The following TANC1 variants were observed in gnomAD, a reference collection of about 807,000 sequenced individuals.
TANC1 encodes the protein protein TANC1.
TANC1 carries 77 observed loss-of-function variants against 149.7 expected under a neutral mutation model. That is an observed-to-expected ratio of 0.51 (90% CI 0.43 to 0.62). The LOEUF is 0.62. TANC1 is among the 20% of genes least tolerant of loss of function. The probability of loss-of-function intolerance (pLI) is 0.00; values close to 1 mark genes in which losing one functional copy is unlikely to be tolerated. For synonymous variants in TANC1, 854 were observed against 925.0 expected, an observed-to-expected ratio of 0.92 and a Z score of 1.39; for missense variants, 1,985 against 2,321.8, an observed-to-expected ratio of 0.85 and a Z score of 2.98.
intron 2 of TANC1, among the ~76,000 whole-genome samples, chr2:159,052,549 G>C (rs1350310710): frequency 6.6e-6 from 1 of 152,198 alleles, no homozygotes; most frequent in Non-Finnish European, 1.5e-5. Flanking sequence ...GAGCCAAATA[G>C]AAGTTTATAA....
At chr2:159,038,040 G>A (rs1306319725) in intron 2 of TANC1, among the ~76,000 whole-genome samples, 1 of 152,088 alleles carries the variant, frequency 6.6e-6, no homozygotes, top group East Asian at 1.9e-4. Flanking sequence ...TTGAACAGTG[G>A]TTTGTAGTTC....
intron 7 of TANC1, among the ~76,000 whole-genome samples, chr2:159,154,473 G>A (rs1414025857): frequency 2.6e-5 from 4 of 152,166 alleles, no homozygotes; most frequent in African/African-American, 9.7e-5. Context: ...TGCTTAGGAG[G>A]AGAAAGGGCA....
chr2:159,159,435 G>A (rs1575019992), intron 7 of TANC1, among the ~76,000 whole-genome samples: 3 of 132,144 alleles, frequency 2.3e-5, no homozygotes, highest in East Asian at 2.1e-4. Flanking sequence ...GTGAGACCCT[G>A]TCTCAAAAAA....
chr2:159,134,256 A>G (rs1393611426), intron 4 of TANC1, among the ~76,000 whole-genome samples: 2 of 152,162 alleles, frequency 1.3e-5, no homozygotes, highest in Non-Finnish European at 2.9e-5. Context: ...CAACCAAGGA[A>G]CACTAGAATC....
chr2:159,175,264 AGCCG>A, intron 12 of TANC1, 80 bp downstream of exon 12: 1 of 1,193,200 alleles, frequency 8.4e-7, no homozygotes, highest in Non-Finnish European at 1.2e-6. Flanking sequence ...GCAGGTGGTC[AGCCG>A]GGCTGGGGTA....
intron 3 of TANC1, among the ~76,000 whole-genome samples, chr2:159,081,500 C>G (rs557837885): frequency 2.6e-5 from 4 of 152,056 alleles, no homozygotes; most frequent in African/African-American, 9.7e-5. Flanking sequence ...AAGATGGGGT[C>G]TACCCTCTGT....
intron 2 of TANC1, among the ~76,000 whole-genome samples, chr2:159,055,838 C>T (rs981548467): frequency 1.3e-5 from 2 of 152,144 alleles, no homozygotes; most frequent in African/African-American, 4.8e-5. Flanking sequence ...GTTCTTGGGG[C>T]TGAGAGTCAG....
chr2:159,215,398 C>A (rs1559473717), intron 19 of TANC1, among the ~76,000 whole-genome samples: 1 of 152,192 alleles, frequency 6.6e-6, no homozygotes, highest in Non-Finnish European at 1.5e-5. Flanking sequence ...GGTTTGCCGC[C>A]TTTTGTTTAT....
At chr2:159,176,556 T>A (rs752334678) in intron 13 of TANC1, 38 bp downstream of exon 13, 1 of 1,500,986 alleles carries the variant, frequency 6.7e-7, no homozygotes, top group Non-Finnish European at 9.1e-7. Flanking sequence ...CAAGTCCCCA[T>A]TCCAATTTTA....
chr2:159,183,965 G>T (rs117875035), intron 14 of TANC1, among the ~76,000 whole-genome samples: 3 of 152,230 alleles, frequency 2.0e-5, no homozygotes, highest in Non-Finnish European at 2.9e-5. Flanking sequence ...GAATCCCCCC[G>T]TCAGACGTGG....
At chr2:159,209,379 T>G (rs983947919) in intron 19 of TANC1, among the ~76,000 whole-genome samples, 1 of 152,244 alleles carries the variant, frequency 6.6e-6, no homozygotes, top group Admixed American at 6.5e-5. Flanking sequence ...TTCCCCTCGC[T>G]CAGAGACGGG....
chr2:159,226,060 C>T, intron 24 of TANC1: 1 of 391,856 alleles, frequency 2.6e-6, no homozygotes, highest in South Asian at 2.4e-5. Flanking sequence ...ATCCCAGCTA[C>T]TCGGGAGGCT....
chr2:159,155,498 G>A (rs567666906), intron 7 of TANC1, among the ~76,000 whole-genome samples: 1 of 152,330 alleles, frequency 6.6e-6, no homozygotes, highest in Non-Finnish European at 1.5e-5. Flanking sequence ...ATGAAGGGAG[G>A]GGACCCTGAG....
At chr2:159,164,086 A>T (rs935094125) in intron 8 of TANC1, among the ~76,000 whole-genome samples, 13 of 152,180 alleles carry the variant, frequency 8.5e-5, no homozygotes, top group Non-Finnish European at 7.3e-5. Flanking sequence ...CGAGATAGAC[A>T]TGCTTTACCG....
chr2:159,109,219 G>A lies in TANC1; in HGVS notation c.259+11385G>A, dbSNP rs2047480789. Among the ~76,000 whole-genome samples, 5 of 152,210 alleles carry A rather than the reference G, an allele frequency of 3.3e-5. 1 individual carries two copies. In the South Asian group the frequency reaches 1.0e-3, roughly 32 times the overall value. ...CTCTGTCTGCCCCAGTCATGAGTGT[G>A]TCTGTCTGCCCCAGTCATGGGCAGG... is the stretch of plus-strand genomic sequence containing the variant. On this transcript the variant is annotated intron_variant, in intron 4 of 26. Transcript: ENST00000263635.
chr2:159,166,618 G>A (rs1349924443), intron 8 of TANC1, among the ~76,000 whole-genome samples: 2 of 152,144 alleles, frequency 1.3e-5, no homozygotes, highest in African/African-American at 4.8e-5. Flanking sequence ...AGCGTTTATG[G>A]GTAAATACTG....
At chr2:159,081,061 G>T (rs1339132800) in intron 3 of TANC1, among the ~76,000 whole-genome samples, 2 of 152,194 alleles carry the variant, frequency 1.3e-5, no homozygotes, top group Non-Finnish European at 2.9e-5. Flanking sequence ...AGGAGGAAGG[G>T]CCAGCTGTCG....
intron 17 of TANC1, 146 bp downstream of exon 17, chr2:159,194,639 G>T (rs1218637832): frequency 1.4e-6 from 1 of 719,784 alleles, no homozygotes; most frequent in Non-Finnish European, 2.3e-6. Context: ...TGGTCACTTT[G>T]TAATGTGGCA....
chr2:159,003,645 T>A (rs1412564836), intron 2 of TANC1, among the ~76,000 whole-genome samples: 8 of 152,178 alleles, frequency 5.3e-5, no homozygotes, highest in African/African-American at 1.9e-4. Flanking sequence ...ATTAACAATA[T>A]TTGGGTTGGA....
Sources: allele counts gnomAD v4.1 joint callset (sites outside exome capture counted in the v4.1 genomes callset), GRCh38; gene constraint gnomAD v4.1.1; transcripts MANE v1.5; gene names NCBI Gene and HGNC (gene_info 2026-07-23, HGNC 2026-07-21).